Variants in RGS7 observed in about 807,000 individuals in gnomAD.
RGS7 encodes regulator of G protein signaling 7, also known as regulator of G-protein signaling 7.
RGS7 carries 27 observed loss-of-function variants against 81.1 expected under a neutral mutation model. The ratio of observed to expected loss-of-function variants is 0.33; its 90% CI spans 0.25 to 0.46. The LOEUF is 0.46. Ranked by LOEUF, RGS7 falls within the 20% of genes least tolerant of loss-of-function variation. The pLI is 1.00. For synonymous variants in RGS7, 208 were observed against 207.7 expected, an observed-to-expected ratio of 1.00 and a Z score of -0.01; for missense variants, 396 against 607.4, an observed-to-expected ratio of 0.65 and a Z score of 3.66.
chr1:241,263,774 AATGCCGGCCTC>A (rs1318027403), intron 2 of RGS7, among the ~76,000 whole-genome samples: 1 of 152,208 alleles, frequency 6.6e-6, no homozygotes, highest in African/African-American at 2.4e-5. Context: ...AAGAGTCCAA[AATGCCGGCCTC>A]ATGAACCTTA....
chr1:240,849,003 T>G (rs193025744), intron 9 of RGS7, among the ~76,000 whole-genome samples: 233 of 152,296 alleles, frequency 1.5e-3, no homozygotes, highest in Admixed American at 2.4e-3. Flanking sequence ...ATGATGCCTT[T>G]TAACCATTTT....
chr1:241,341,154 T>C (rs1334660023), intron 2 of RGS7, among the ~76,000 whole-genome samples: 1 of 152,180 alleles, frequency 6.6e-6, no homozygotes, highest in Non-Finnish European at 1.5e-5. Flanking sequence ...AATGGTTTGG[T>C]TTCTTCTGTC....
At chr1:240,873,206 C>T (rs1664800917) in intron 6 of RGS7, among the ~76,000 whole-genome samples, 1 of 152,180 alleles carries the variant, frequency 6.6e-6, no homozygotes, top group Non-Finnish European at 1.5e-5. Flanking sequence ...TAGGCCCAGA[C>T]CCAAAAGAGT....
At chr1:241,299,918 C>A (rs1467685185) in intron 2 of RGS7, among the ~76,000 whole-genome samples, 1 of 102,872 alleles carries the variant, frequency 9.7e-6, no homozygotes, top group Non-Finnish European at 1.8e-5. Context: ...AGGTAACACA[C>A]AGATACCTCG....
chr1:241,292,420 C>A (rs971165141), intron 2 of RGS7, among the ~76,000 whole-genome samples: 1 of 152,004 alleles, frequency 6.6e-6, no homozygotes, highest in African/African-American at 2.4e-5. Context: ...TAAACTACTC[C>A]CGGGAAAGGG....
intron 6 of RGS7, among the ~76,000 whole-genome samples, chr1:240,883,106 G>A (rs1219879543): frequency 5.5e-5 from 8 of 146,604 alleles, no homozygotes; most frequent in African/African-American, 2.0e-4. Flanking sequence ...ATTCCATGGT[G>A]TGTATGTGCC....
chr1:240,937,566 A>C (rs1251228031), intron 4 of RGS7, among the ~76,000 whole-genome samples: 1 of 152,222 alleles, frequency 6.6e-6, no homozygotes, highest in Non-Finnish European at 1.5e-5. Flanking sequence ...CAATCTGTAG[A>C]GTATGTCTCC....
intron 2 of RGS7, among the ~76,000 whole-genome samples, chr1:241,167,683 T>C (rs952245345): frequency 1.3e-5 from 2 of 151,476 alleles, no homozygotes; most frequent in Admixed American, 1.3e-4. Context: ...CACGCCCGGC[T>C]AATTTTTTGC....
chr1:241,288,461 A>T (rs1037016144), intron 2 of RGS7, among the ~76,000 whole-genome samples: 1 of 152,176 alleles, frequency 6.6e-6, no homozygotes, highest in African/African-American at 2.4e-5. Flanking sequence ...TCTGGAGGAC[A>T]TGAGTAGTCT....
intron 18 of RGS7, among the ~76,000 whole-genome samples, chr1:240,780,168 T>G (rs373412708): frequency 6.6e-6 from 1 of 152,096 alleles, no homozygotes; most frequent in Non-Finnish European, 1.5e-5. Flanking sequence ...CTTACTTGGC[T>G]GGGCATGGTG....
intron 2 of RGS7, among the ~76,000 whole-genome samples, chr1:241,214,978 T>G (rs890448297): frequency 1.3e-5 from 2 of 152,210 alleles, no homozygotes; most frequent in Non-Finnish European, 2.9e-5. Flanking sequence ...TCATAGTTAA[T>G]TTAGAGTACT....
intron 2 of RGS7, among the ~76,000 whole-genome samples, chr1:241,107,265 A>C (rs1415605429): frequency 2.0e-5 from 3 of 152,178 alleles, no homozygotes; most frequent in Non-Finnish European, 4.4e-5. Flanking sequence ...TGAGTTTTAC[A>C]GTTTGTGAAA....
intron 2 of RGS7, among the ~76,000 whole-genome samples, chr1:241,193,116 T>C (rs2072807580): frequency 6.6e-6 from 1 of 152,232 alleles, no homozygotes; most frequent in African/African-American, 2.4e-5. Context: ...ATGTTTGTAT[T>C]GGGAACTCTA....
At chr1:241,335,313 A>G (rs1452972385) in intron 2 of RGS7, among the ~76,000 whole-genome samples, 7 of 152,276 alleles carry the variant, frequency 4.6e-5, no homozygotes, top group African/African-American at 1.4e-4. Flanking sequence ...CCTAGTAATA[A>G]TGTCGGGACC....
intron 9 of RGS7, among the ~76,000 whole-genome samples, chr1:240,832,898 G>A (rs1426086645): frequency 6.6e-6 from 1 of 152,030 alleles, no homozygotes; most frequent in African/African-American, 2.4e-5. Context: ...CCTTATCCTG[G>A]GGGGATATGT....
intron 2 of RGS7, among the ~76,000 whole-genome samples, chr1:241,139,193 CTCTT>C (rs2067740402): frequency 6.6e-6 from 1 of 150,952 alleles, no homozygotes; most frequent in South Asian, 2.1e-4. Flanking sequence ...CCCTTCTTCT[CTCTT>C]TCCTTCCTTT....
chr1:241,169,336 C>CTTTTT (rs57753661), intron 2 of RGS7, among the ~76,000 whole-genome samples: 12 of 74,270 alleles, frequency 1.6e-4, no homozygotes, highest in Non-Finnish European at 2.1e-4. Context: ...ATGTGTGTTT[C>CTTTTT]TTTTTTTTTT....
intron 6 of RGS7, among the ~76,000 whole-genome samples, chr1:240,889,967 A>T (rs1668017872): frequency 6.6e-6 from 1 of 152,122 alleles, no homozygotes; most frequent in Non-Finnish European, 1.5e-5. Context: ...ACCCGTGTAC[A>T]ATTATCTCTC....
At chr1:241,217,789 A>C (rs2074660877) in intron 2 of RGS7, among the ~76,000 whole-genome samples, 1 of 152,240 alleles carries the variant, frequency 6.6e-6, no homozygotes, top group South Asian at 2.1e-4. Flanking sequence ...AGTTCAGATC[A>C]GGCCATTCAA....
Sources: gnomAD v4.1 joint callset for allele counts (sites outside exome capture counted in the v4.1 genomes callset) on GRCh38, gnomAD v4.1.1 for gene constraint, MANE v1.5 for transcripts, NCBI Gene and HGNC (gene_info 2026-07-23, HGNC 2026-07-21) for gene names.